Variants in SPAG16 observed in about 807,000 individuals in gnomAD.
SPAG16 encodes the protein sperm associated antigen 16, also known as sperm-associated antigen 16 protein.
SPAG16 carries 86 observed loss-of-function variants against 80.4 expected under a neutral mutation model. The observed-to-expected ratio is 1.07, with a 90% CI of 0.90 to 1.28. The LOEUF (loss-of-function observed/expected upper bound fraction) is 1.28, where lower values mean the gene tolerates loss of function less well. Among genes scored for constraint, SPAG16 ranks in the 50% most tolerant of loss-of-function variants. SPAG16 has a pLI of 0.00. For missense variants in SPAG16, 870 were observed against 765.3 expected, an observed-to-expected ratio of 1.14 and a Z score of -1.61; for synonymous variants, 294 against 265.9, an observed-to-expected ratio of 1.11 and a Z score of -1.03.
intron 15 of SPAG16, among the ~76,000 whole-genome samples, chr2:214,290,073 C>T (rs190414057): frequency 1.5e-3 from 221 of 151,840 alleles, no homozygotes; most frequent in Admixed American, 3.9e-3. Context: ...GGAGACCTTT[C>T]GTTACTGATT....
chr2:213,859,128 G>C (rs72941141), intron 10 of SPAG16, among the ~76,000 whole-genome samples: 48,193 of 130,590 alleles, frequency 0.37, 8,731 homozygotes, highest in South Asian at 0.5. Context: ...GTAGTGAGCC[G>C]AGATCACACC....
At chr2:213,636,190 C>T (rs1339588274) in intron 10 of SPAG16, among the ~76,000 whole-genome samples, 1 of 152,088 alleles carries the variant, frequency 6.6e-6, no homozygotes, top group Non-Finnish European at 1.5e-5. Flanking sequence ...TTCCCAGTAC[C>T]ATTTGTTGAA....
intron 11 of SPAG16, among the ~76,000 whole-genome samples, chr2:213,897,440 C>T (rs1322227070): frequency 1.3e-5 from 2 of 152,096 alleles, no homozygotes; most frequent in Admixed American, 6.6e-5. Flanking sequence ...ATATTTTAAA[C>T]TTCATTACTT....
intron 13 of SPAG16, among the ~76,000 whole-genome samples, chr2:214,032,968 A>T (rs1187590133): frequency 2.0e-5 from 3 of 152,200 alleles, no homozygotes; most frequent in African/African-American, 7.2e-5. Context: ...TTAGAAATTC[A>T]AAAGACTGTT....
intron 10 of SPAG16, among the ~76,000 whole-genome samples, chr2:213,846,095 A>G (rs568340031): frequency 6.6e-6 from 1 of 152,320 alleles, no homozygotes; most frequent in East Asian, 1.9e-4. Flanking sequence ...AATTATTTTT[A>G]TAACTTAAAA....
chr2:214,392,193 C>T (rs890962673), intron 15 of SPAG16, among the ~76,000 whole-genome samples: 14 of 152,134 alleles, frequency 9.2e-5, no homozygotes, highest in Admixed American at 3.3e-4. Context: ...GATAGGGTTT[C>T]ACTCCCATCA....
intron 9 of SPAG16, among the ~76,000 whole-genome samples, chr2:213,466,289 C>G (rs1419146889): frequency 6.6e-6 from 1 of 152,178 alleles, no homozygotes; most frequent in Non-Finnish European, 1.5e-5. Flanking sequence ...AGAACCCTGA[C>G]TAATACACCT....
chr2:213,980,471 G>A (rs190576705), intron 12 of SPAG16, among the ~76,000 whole-genome samples: 2,422 of 109,240 alleles, frequency 0.022, 235 homozygotes, highest in African/African-American at 0.09. Context: ...TAGAATATAT[G>A]TGTGTATATA....
At chr2:213,794,589 G>C (rs1468881300) in intron 10 of SPAG16, among the ~76,000 whole-genome samples, 1 of 151,944 alleles carries the variant, frequency 6.6e-6, no homozygotes, top group East Asian at 1.9e-4. Context: ...TATTGAGATG[G>C]GGACAAAAAA....
intron 10 of SPAG16, among the ~76,000 whole-genome samples, chr2:213,783,379 T>C (rs2070139542): frequency 6.6e-6 from 1 of 151,688 alleles, no homozygotes; most frequent in South Asian, 2.1e-4. Context: ...TTGAAGCCTT[T>C]TTATATATAC....
At chr2:214,038,466 T>C (rs971526688) in intron 13 of SPAG16, among the ~76,000 whole-genome samples, 1 of 152,156 alleles carries the variant, frequency 6.6e-6, no homozygotes, top group African/African-American at 2.4e-5. Flanking sequence ...TTTGTTTTAG[T>C]CTTAGATTTA....
intron 9 of SPAG16, among the ~76,000 whole-genome samples, chr2:213,453,698 C>T (rs2071833716): frequency 6.6e-6 from 1 of 152,100 alleles, no homozygotes; most frequent in African/African-American, 2.4e-5. Flanking sequence ...ACCCAGGCAC[C>T]AGGCAGTGAG....
chr2:213,689,907 A>AT (rs1391062642), intron 10 of SPAG16, among the ~76,000 whole-genome samples: 1 of 152,034 alleles, frequency 6.6e-6, no homozygotes, highest in Non-Finnish European at 1.5e-5. Flanking sequence ...TCATTTATTC[A>AT]TTTTCTCCTT....
At chr2:213,862,368 C>G in intron 10 of SPAG16, 117 bp from the exon 11 acceptor site, 2 of 1,308,184 alleles carry the variant, frequency 1.5e-6, no homozygotes, top group Non-Finnish European at 2.1e-6. Context: ...GGGGCCAGTA[C>G]TCTCAAAACT....
chr2:214,156,517 C>T (rs2056220841), intron 15 of SPAG16, among the ~76,000 whole-genome samples: 1 of 152,158 alleles, frequency 6.6e-6, no homozygotes, highest in Non-Finnish European at 1.5e-5. Context: ...TGGTGGCTCA[C>T]ACCTGTAATC....
At chr2:213,749,547 T>C (rs2067989125) in intron 10 of SPAG16, among the ~76,000 whole-genome samples, 1 of 152,200 alleles carries the variant, frequency 6.6e-6, no homozygotes, top group African/African-American at 2.4e-5. Context: ...GTCCTCCATA[T>C]AGCTGAAGTA....
intron 10 of SPAG16, among the ~76,000 whole-genome samples, chr2:213,714,682 A>G (rs1254430477): frequency 6.6e-6 from 1 of 152,122 alleles, no homozygotes; most frequent in Non-Finnish European, 1.5e-5. Context: ...TTACCTCCTA[A>G]TCCTCATAAT....
chr2:214,011,643 G>A (rs757456733), intron 12 of SPAG16, among the ~76,000 whole-genome samples: 1 of 152,066 alleles, frequency 6.6e-6, no homozygotes, highest in African/African-American at 2.4e-5. Flanking sequence ...TTGACCCCTG[G>A]TATACACATC....
chr2:214,041,978 G>GTGTATA (rs1410396491), intron 13 of SPAG16, among the ~76,000 whole-genome samples: 1,308 of 116,232 alleles, frequency 0.011, 14 homozygotes, highest in East Asian at 0.02. Flanking sequence ...GTCTGTGTGT[G>GTGTATA]TATATATATA....
Sources: allele counts gnomAD v4.1 joint callset (sites outside exome capture counted in the v4.1 genomes callset), GRCh38; gene constraint gnomAD v4.1.1; transcripts MANE v1.5; gene names NCBI Gene and HGNC (gene_info 2026-07-23, HGNC 2026-07-21).